Variants in SEMA3A observed in about 807,000 individuals in gnomAD.
SEMA3A encodes the protein semaphorin-3A.
In SEMA3A, 29 loss-of-function variants were observed where a neutral mutation model predicts 97.9. That is an observed-to-expected ratio of 0.30 (90% CI 0.22 to 0.40). The LOEUF (loss-of-function observed/expected upper bound fraction) is 0.40. Among genes scored for constraint, SEMA3A ranks in the 10% least tolerant of loss-of-function variants. The pLI is 1.00. For missense variants in SEMA3A, 763 were observed against 951.3 expected (o/e 0.80, Z 2.60); for synonymous variants, 321 against 323.7 (o/e 0.99, Z 0.09).
intron 2 of SEMA3A, among the ~76,000 whole-genome samples, chr7:84,357,078 T>C (rs1051453819): frequency 3.3e-5 from 5 of 150,230 alleles, no homozygotes; most frequent in Non-Finnish European, 7.4e-5. Context: ...CATTTTTCTC[T>C]AATTTATGTT....
intron 5 of SEMA3A, among the ~76,000 whole-genome samples, chr7:84,057,591 C>T (rs1429549802): frequency 6.6e-6 from 1 of 151,888 alleles, no homozygotes; most frequent in Non-Finnish European, 1.5e-5. Flanking sequence ...ATGGTGAAAC[C>T]TTGTCTCTCC....
chr7:84,356,726 A>G (rs1802570121), intron 2 of SEMA3A, among the ~76,000 whole-genome samples: 1 of 152,026 alleles, frequency 6.6e-6, no homozygotes, highest in Non-Finnish European at 1.5e-5. Context: ...GATTTCAATT[A>G]GGTCATTAAG....
chr7:84,021,895 G>C (rs1459996653), intron 6 of SEMA3A, among the ~76,000 whole-genome samples: 1 of 152,144 alleles, frequency 6.6e-6, no homozygotes, highest in Non-Finnish European at 1.5e-5. Flanking sequence ...GTCAGTTAAA[G>C]AAATGCTTAT....
chr7:84,159,038 C>T (rs1435879025), intron 1 of SEMA3A, among the ~76,000 whole-genome samples: 1 of 151,588 alleles, frequency 6.6e-6, no homozygotes, highest in Non-Finnish European at 1.5e-5. Context: ...AAAAAAAAAA[C>T]CTTCATGTTA....
chr7:84,237,385 A>T (rs1799259305), intron 3 of SEMA3A, among the ~76,000 whole-genome samples: 1 of 152,134 alleles, frequency 6.6e-6, no homozygotes, highest in Non-Finnish European at 1.5e-5. Context: ...CTGAGTTAAT[A>T]CAACATACAA....
intron 3 of SEMA3A, among the ~76,000 whole-genome samples, chr7:84,200,459 A>G (rs549226525): frequency 6.6e-6 from 1 of 152,196 alleles, no homozygotes; most frequent in Admixed American, 6.5e-5. Context: ...TAGGTTGGTA[A>G]GTTTGAGTGG....
At chr7:84,210,306 A>G (rs997427171) in intron 3 of SEMA3A, among the ~76,000 whole-genome samples, 1 of 152,170 alleles carries the variant, frequency 6.6e-6, no homozygotes, top group Non-Finnish European at 1.5e-5. Flanking sequence ...GCTGAGCCCA[A>G]CTGGTTTTAC....
chr7:84,036,484 AT>A (rs755028240), intron 6 of SEMA3A, among the ~76,000 whole-genome samples: 2 of 152,130 alleles, frequency 1.3e-5, no homozygotes, highest in South Asian at 2.1e-4. Context: ...GAGGACTTAT[AT>A]CAGCAGTAGG....
At chr7:84,086,466 AATATGTATTATTATATTATATTT>A (rs1429543508) in intron 4 of SEMA3A, among the ~76,000 whole-genome samples, 6 of 101,118 alleles carry the variant, frequency 5.9e-5, no homozygotes, top group Non-Finnish European at 4.3e-5. Flanking sequence ...ATTCATATAT[AATATGTATTATTATATTATATTT>A]ACATATAATA....
chr7:84,424,514 TAA>T (rs1584313844), intron 1 of SEMA3A, among the ~76,000 whole-genome samples: 1 of 76,214 alleles, frequency 1.3e-5, no homozygotes, highest in East Asian at 4.1e-4. Flanking sequence ...ATATAAATAT[TAA>T]TATATGTTAT....
At chr7:84,023,943 C>T (rs1372248421) in intron 6 of SEMA3A, among the ~76,000 whole-genome samples, 2 of 147,720 alleles carry the variant, frequency 1.4e-5, no homozygotes, top group East Asian at 2.1e-4. Context: ...ACCCGGGAGG[C>T]GGAGCTTGCA....
chr7:83,957,627 T>C lies in SEMA3A; in HGVS notation c.*3744A>G, dbSNP rs1478155157. 1 of 152,124 alleles carries C rather than the reference T, an allele frequency of 6.6e-6. No individual in the cohort carries two copies. Among genetic ancestry groups the C allele is most frequent in the African/African-American group, 2.4e-5 (1 of 41,442 alleles). 9.4% of individuals were successfully genotyped at this position (152,124 alleles called of 1,614,324 possible). ...TTCTCTCTTTCATTTAGATATTTTC[T>C]TAATTTATTAACTTGAAAAATTATG... On this transcript the variant is annotated 3_prime_UTR_variant, in exon 17 of 17. Coordinates refer to ENST00000265362, the MANE Select transcript of SEMA3A (RefSeq NM_006080.3).
At chr7:83,988,599 G>A (rs1361179479) in intron 12 of SEMA3A, among the ~76,000 whole-genome samples, 2 of 152,218 alleles carry the variant, frequency 1.3e-5, no homozygotes, top group African/African-American at 4.8e-5. Flanking sequence ...CAATCTGTCT[G>A]AGACAAATGA....
At chr7:84,426,503 G>C (rs1489913480) in intron 1 of SEMA3A, among the ~76,000 whole-genome samples, 1 of 152,038 alleles carries the variant, frequency 6.6e-6, no homozygotes. Flanking sequence ...AAGATTAAGA[G>C]AGATTTCAAT....
intron 1 of SEMA3A, among the ~76,000 whole-genome samples, chr7:84,449,275 A>G (rs1211003608): frequency 6.6e-6 from 1 of 152,222 alleles, no homozygotes; most frequent in South Asian, 2.1e-4. Flanking sequence ...ATAGATGTAA[A>G]GAAAAAGTAT....
At chr7:84,080,536 T>C (rs945762249) in intron 4 of SEMA3A, among the ~76,000 whole-genome samples, 1 of 151,886 alleles carries the variant, frequency 6.6e-6, no homozygotes, top group Admixed American at 6.6e-5. Flanking sequence ...TCTTACTCAG[T>C]TTATAATTTG....
chr7:84,368,744 G>T (rs1802908347), intron 2 of SEMA3A, among the ~76,000 whole-genome samples: 1 of 150,424 alleles, frequency 6.6e-6, no homozygotes, highest in Non-Finnish European at 1.5e-5. Context: ...ATCTCACCTT[G>T]ATTATTATAT....
At chr7:83,998,486 CAG>C (rs1166059348) in intron 12 of SEMA3A, among the ~76,000 whole-genome samples, 1 of 152,124 alleles carries the variant, frequency 6.6e-6, no homozygotes, top group African/African-American at 2.4e-5. Flanking sequence ...TCAAGTCAGT[CAG>C]TGAGTGGTGA....
chr7:84,011,153 A>G, intron 8 of SEMA3A, 30 bp downstream of exon 8: 1 of 1,604,580 alleles, frequency 6.2e-7, no homozygotes, highest in Non-Finnish European at 8.5e-7. Flanking sequence ...CTGAACAAAT[A>G]TTCTCTATAC....
Sources: gnomAD v4.1 joint callset for allele counts (sites outside exome capture counted in the v4.1 genomes callset) on GRCh38, gnomAD v4.1.1 for gene constraint, MANE v1.5 for transcripts, NCBI Gene and HGNC (gene_info 2026-07-23, HGNC 2026-07-21) for gene names.